The following UBA7 variants were observed in gnomAD, a reference collection of about 807,000 sequenced individuals.
UBA7 encodes the protein ubiquitin-like modifier-activating enzyme 7.
A neutral mutation model predicts 113.0 loss-of-function variants in UBA7; 88 were observed. That is an observed-to-expected ratio of 0.78 (90% CI 0.66 to 0.93). The LOEUF (loss-of-function observed/expected upper bound fraction) is 0.93, where lower values mean the gene tolerates loss of function less well. UBA7 is among the 40% of genes least tolerant of loss of function. UBA7 has a pLI of 0.00. For synonymous variants in UBA7, 459 were observed against 513.0 expected (o/e 0.89, Z 1.42); for missense variants, 1,092 against 1,266.4 (o/e 0.86, Z 2.09).
chr3:49,805,962 G>C lies in UBA7; in HGVS notation c.2844C>G (p.His948Gln), dbSNP rs1367090450. ...CGGCCGCATAGAGCAGGGCTGAGCC[G>C]TGCAGCAGGATCCTCACCCTCAACC... ...QHGLRVRILL[H>Q]GSALLYAAGW... Residue 948 changes from histidine to glutamine, a missense_variant, in exon 23 of 24, where the codon CAC (histidine) becomes CAG (glutamine). This residue lies in a region of UBA7 where 500 missense variants were observed against 529.3 expected (regional missense o/e 0.94). Transcript: ENST00000333486. The C allele has an allele frequency of 1.9e-6, 3 of 1,566,414 alleles. No homozygotes were observed. Among genetic ancestry groups the C allele is most frequent in the Non-Finnish European group, 2.6e-6 (3 of 1,155,444 alleles).
chr3:49,813,286 G>T lies in UBA7; in HGVS notation c.323C>A (p.Thr108Lys). The change falls in exon 3 of 24, where the codon ACG (threonine) becomes AAG (lysine). Residue 108 changes from threonine to lysine, a missense_variant. Physicochemically the swap from Thr to Lys is moderately conservative, Grantham distance 78 (BLOSUM62 -1). Transcript: ENST00000333486. Reference protein sequence around the residue: ...LNRAVQVVVHTGDITEDLLLD... With the variant: ...LNRAVQVVVHKGDITEDLLLD... ...CAGCAGGTCCTCAGTGATGTCACCC[G>T]TGTGCACGACGACCTGGACAGCTCT... 2 of 1,614,186 alleles carry T rather than the reference G, an allele frequency of 1.2e-6. No homozygotes were observed. The highest frequency in any genetic ancestry group is 1.1e-5 in the South Asian group (1 of 91,088).
chr3:49,812,968 G>T, intron 4 of UBA7, 94 bp downstream of exon 4: 1 of 1,426,440 alleles, frequency 7.0e-7, no homozygotes, highest in Non-Finnish European at 9.6e-7. Context: ...CCTGAGGCTG[G>T]TTGGAGGGGC....
At position 49,805,961 on chromosome 3, in the gene UBA7, C is replaced by T. The variant is rs371953058; in HGVS notation, c.2845G>A (p.Gly949Ser). 26 of 1,566,212 alleles carry T rather than the reference C, an allele frequency of 1.7e-5. No homozygotes were observed. The highest frequency in any genetic ancestry group is 4.8e-5 in the East Asian group (2 of 42,008). ...CCGGCCGCATAGAGCAGGGCTGAGC[C>T]GTGCAGCAGGATCCTCACCCTCAAC... The part of the protein sequence containing the change: ...HGLRVRILLH[G>S]SALLYAAGWS... Residue 949 changes from glycine (G) to serine (S), a missense_variant, in exon 23 of 24, where the codon GGC becomes AGC. By Grantham distance (56) the Gly-to-Ser change is moderately conservative. Transcript: ENST00000333486.
Position 49,809,849 on chromosome 3 carries a change from G to A in UBA7, c.1870C>T (p.Arg624Ter), listed in dbSNP as rs766916482. Residue 624 changes from arginine (R) to a stop codon, truncating the protein, a stop_gained, in exon 15 of 24, where the codon CGA (arginine) becomes TGA (stop). Transcript: ENST00000333486. LOFTEE classifies it high-confidence loss of function. Reference sequence around the variant, plus strand: ...TGGTTGATGGTCTCTGCAGACAGTCGGAAGAGTTCTTCAAACTCATGCCGG... The same window carrying A: ...TGGTTGATGGTCTCTGCAGACAGTCAGAAGAGTTCTTCAAACTCATGCCGG... ...WARHEFEELF[R>*]LSAETINHHQ... 22 of 1,614,006 alleles carry A rather than the reference G, an allele frequency of 1.4e-5. No individual in the cohort carries two copies. The highest frequency in any genetic ancestry group is 3.3e-5 in the South Asian group (3 of 91,086).
At chr3:49,811,487 C>G (rs1483842811) in intron 8 of UBA7, 32 bp from the exon 9 acceptor site, 5 of 1,553,050 alleles carry the variant, frequency 3.2e-6, no homozygotes, top group Non-Finnish European at 3.5e-6. Flanking sequence ...CATAGTAGCC[C>G]CAGCCTGAGC....
rs2081510010 is a variant in UBA7 at position 49,809,650 on chromosome 3, T to G, written c.1980A>C (p.Arg660Ser). 6.2e-7 allele frequency: 1 copy of G among 1,613,972 alleles called. No individual in the cohort carries two copies. The highest frequency in any genetic ancestry group is 8.5e-7 in the Non-Finnish European group (1 of 1,180,050). The change falls in exon 16 of 24, where the codon AGA (arginine) becomes AGC (serine). Residue 660 changes from arginine (R) to serine (S), a missense_variant. By Grantham distance (110) the Arg-to-Ser change is moderately radical (BLOSUM62 -1). Coordinates refer to ENST00000333486, the MANE Select transcript of UBA7 (RefSeq NM_003335.3). ...AGTCTTGCCAGTTCTGTGGACGCACTCTCAGGACCCCAAGCACTGGCTTCA... is the reference window on the plus strand; with the variant it reads ...AGTCTTGCCAGTTCTGTGGACGCACGCTCAGGACCCCAAGCACTGGCTTCA... ...TLLKPVLGVL[R>S]VRPQNWQDCV...
In UBA7 at chr3:49,810,048, G is replaced by A; in HGVS notation, c.1769C>T (p.Ala590Val). 1 of 1,613,736 alleles carries A rather than the reference G, an allele frequency of 6.2e-7. No homozygotes were observed. The highest frequency in any genetic ancestry group is 8.5e-7 in the Non-Finnish European group (1 of 1,180,002). Residue 590 changes from alanine (A) to valine (V), a missense_variant, in exon 14 of 24, where the codon GCT becomes GTT. Transcript: ENST00000333486. The surrounding 1 kb of genome is among the most constrained non-coding windows in gnomAD (Gnocchi z 5.6). ...EAYRAPASAA[A>V]SEDAPYPVCT... ...GACAGGGTAGGGGGCATCCTCAGAA[G>A]CTGCAGCTGAGGCAGGGGCTCTGTA...
Position 49,812,005 on chromosome 3 carries a change from G to C in UBA7, c.804C>G (p.Asp268Glu). The change falls in exon 8 of 24, where the codon GAC (aspartate) becomes GAG (glutamate). Residue 268 changes from aspartate to glutamate, a missense_variant. Physicochemically the swap from Asp to Glu is conservative, Grantham distance 45. Transcript: ENST00000333486. The stretch of plus-strand genomic sequence containing the variant: ...CCACATGGGGCTGGAGCAGGGCTGT[G>C]TCCAGGGACTTCTGCAAGGGCACCT... The part of the protein sequence containing the change: ...RPKTVRHKSL[D>E]TALLQPHVVA... 6.2e-7 allele frequency: 1 copy of C among 1,614,212 alleles called. No individual in the cohort carries two copies. Among genetic ancestry groups the C allele is most frequent in the Non-Finnish European group, 8.5e-7 (1 of 1,180,028 alleles).
rs754154437 is a variant in UBA7 at position 49,810,684 on chromosome 3, A to G, written c.1312-12T>C. 2 of 1,614,084 alleles carry G rather than the reference A, an allele frequency of 1.2e-6. No homozygotes were observed. The highest frequency in any genetic ancestry group is 2.2e-5 in the South Asian group (2 of 91,090). ...GCACCAGCGCCCACCTGTTGGCAGG[A>G]ACAGCCTTAGCCAGAGGGGCTGGGC... On this transcript the variant is annotated splice_polypyrimidine_tract_variant and intron_variant, in intron 11 of 23. Coordinates refer to ENST00000333486, the MANE Select transcript of UBA7 (RefSeq NM_003335.3). This position sits in a 1 kb window ranked among gnomAD's most constrained non-coding sequence, Gnocchi z 5.6.
In UBA7 at chr3:49,805,312, A is replaced by C. The variant is rs1435846023; in HGVS notation, c.3035T>G (p.Leu1012Arg). 1.2e-6 allele frequency: 2 copies of C among 1,613,718 alleles called. No individual in the cohort carries two copies. The highest frequency in any genetic ancestry group is 1.7e-6 in the Non-Finnish European group (2 of 1,179,904). Reference protein sequence around the residue: ...DTAFPPLHYEL With the variant: ...DTAFPPLHYER ...GGTGACAGGGTGGCTGCCTTGTCAC[A>C]GCTCATAGTGCAGAGGTGGGAAGGC... is the stretch of plus-strand genomic sequence containing the variant. The change falls in exon 24 of 24, where the codon CTG (leucine) becomes CGG (arginine). Residue 1012 changes from leucine (L) to arginine (R), a missense_variant. Coordinates refer to ENST00000333486, the MANE Select transcript of UBA7 (RefSeq NM_003335.3).
Position 49,805,964 on chromosome 3 carries a change from G to T in UBA7, c.2842C>A (p.His948Asn). Residue 948 changes from histidine (H) to asparagine (N), a missense_variant, in exon 23 of 24, where the codon CAC (histidine) becomes AAC (asparagine). His to Asn is a moderately conservative substitution (Grantham distance 68). Transcript: ENST00000333486. ...GCCGCATAGAGCAGGGCTGAGCCGT[G>T]CAGCAGGATCCTCACCCTCAACCCG... ...QHGLRVRILLHGSALLYAAGW... is the reference protein window; with the variant it reads ...QHGLRVRILLNGSALLYAAGW... 1 of 1,566,470 alleles carries T rather than the reference G, an allele frequency of 6.4e-7. No homozygotes were observed. The highest frequency in any genetic ancestry group is 8.7e-7 in the Non-Finnish European group (1 of 1,155,410).
In UBA7 at chr3:49,808,977, A is replaced by G. The variant is rs549890599; in HGVS notation, c.2346T>C (p.Phe782=). The change falls in exon 18 of 24, where the codon TTT becomes TTC. Residue 782 remains phenylalanine (F), a splice_region_variant and synonymous_variant. Transcript: ENST00000333486. ...AGGGGCCAGGGCCAGGAGCCTCACC[A>G]AACTCAGCAGAAGCCGAAGCCAGCT... is the stretch of plus-strand genomic sequence containing the variant. ...NLELASASAE[F]GPEQQKELNK... is the part of the protein sequence containing the mutation. The G allele has an allele frequency of 3.7e-6, 6 of 1,613,096 alleles. No homozygotes were observed. The East Asian group carries it at 1.1e-4, about 30-fold the overall frequency.
chr3:49,811,827 A>G lies in UBA7; in HGVS notation c.939+43T>C, dbSNP rs757654665. 1.2e-5 allele frequency: 19 copies of G among 1,606,654 alleles called. No individual in the cohort carries two copies. The Admixed American group carries it at 1.7e-4, about 14-fold the overall frequency. ...GTTGCCTCTGGCAGGTGGGACCCCA[A>G]TAAATGACAGAGGCTGGGGGTGGGA... On this transcript the variant is annotated intron_variant, in intron 8 of 23. Transcript: ENST00000333486.
rs750825038 is a variant in UBA7, at chr3:49,807,652, C to T, written c.2715+84G>A. 4.0e-4 allele frequency: 591 copies of T among 1,475,018 alleles called. 1 individual carries two copies. The highest frequency in any genetic ancestry group is 4.3e-4 in the Non-Finnish European group (475 of 1,100,920). The allele number at this position is 1,475,018 out of a possible 1,614,324, so 91.4% of individuals were successfully genotyped here. ...GCACAGTCTGAGTTTCAGTGAGAGC[C>T]GGCAGCTAGATTGGGGCCTGTATGG... On this transcript the variant is annotated intron_variant, in intron 21 of 23. Coordinates refer to ENST00000333486, the MANE Select transcript of UBA7 (RefSeq NM_003335.3). The surrounding 1 kb of genome is among the most constrained non-coding windows in gnomAD (Gnocchi z 4.0).
chr3:49,805,659 G>C (rs564602203), intron 23 of UBA7, among the ~76,000 whole-genome samples: 2 of 152,284 alleles, frequency 1.3e-5, no homozygotes, highest in Non-Finnish European at 2.9e-5. Flanking sequence ...TGAAAGGGGG[G>C]CTGTGCAGCA....
At chr3:49,809,341 C>A in intron 17 of UBA7, 49 bp downstream of exon 17, 1 of 1,601,638 alleles carries the variant, frequency 6.2e-7, no homozygotes, top group South Asian at 1.1e-5. Flanking sequence ...TACCTCTGCT[C>A]TGAGGGGCCA....
At chr3:49,805,836 G>T in intron 23 of UBA7, 61 bp downstream of exon 23, 1 of 1,447,004 alleles carries the variant, frequency 6.9e-7, no homozygotes, top group Non-Finnish European at 9.5e-7. Flanking sequence ...AAGGCAGTGT[G>T]GTCCCTAGCC....
intron 8 of UBA7, 175 bp downstream of exon 8, chr3:49,811,695 G>T: frequency 2.5e-6 from 3 of 1,213,778 alleles, no homozygotes; most frequent in African/African-American, 1.5e-5. Context: ...AGGGGTCGGG[G>T]TGTAGCAGGA....
chr3:49,806,233 A>T (rs1294718548), intron 21 of UBA7, 68 bp from the exon 22 acceptor site: 19 of 1,369,714 alleles, frequency 1.4e-5, no homozygotes, highest in Non-Finnish European at 1.8e-5. Context: ...AGTTACCAGC[A>T]GCCTTTCCTA....
Sources: gnomAD v4.1 joint callset for allele counts (sites outside exome capture counted in the v4.1 genomes callset) on GRCh38, gnomAD v4.1.1 for gene constraint, gnomAD v4.1.1 regional missense constraint, Gnocchi (gnomAD v3.1) non-coding constraint, MANE v1.5 for transcripts, NCBI Gene and HGNC (gene_info 2026-07-23, HGNC 2026-07-21) for gene names.